FAM178B: variants seen among roughly 807,000 people sequenced by gnomAD.
The protein encoded by FAM178B is protein FAM178B.
FAM178B carries 82 observed loss-of-function variants against 91.7 expected under a neutral mutation model. The ratio of observed to expected loss-of-function variants is 0.89; its 90% CI spans 0.75 to 1.07. The LOEUF is 1.07. FAM178B is among the 50% of genes least tolerant of loss of function. The pLI, the probability that FAM178B is intolerant of heterozygous loss-of-function variation, is 0.00. For synonymous variants in FAM178B, 368 were observed against 359.4 expected (o/e 1.02, Z -0.27); for missense variants, 769 against 846.7 (o/e 0.91, Z 1.14).
chr2:96,977,384 CAA>C (rs754852439), intron 1 of FAM178B, among the ~76,000 whole-genome samples: 11 of 24,522 alleles, frequency 4.5e-4, no homozygotes, highest in Admixed American at 7.3e-4. Flanking sequence ...GACTCCGTCT[CAA>C]AAAAAAAAAA....
intron 14 of FAM178B, among the ~76,000 whole-genome samples, chr2:96,887,889 C>A (rs912500227): frequency 1.3e-5 from 2 of 152,208 alleles, no homozygotes; most frequent in African/African-American, 4.8e-5. Context: ...AGGGAGCAGG[C>A]CCGGGTGCTG....
At position 96,876,338 on chromosome 2, in the gene FAM178B, G is replaced by A. The variant is rs150741478; in HGVS notation, c.2008-30C>T. ...GGCGAGGAGAAAAGCAGGCTGTGAG[G>A]GCCTGGGCCCAGGTGCTGCCCACTG... On this transcript the variant is annotated intron_variant, in intron 16 of 16. Coordinates refer to ENST00000490605, the MANE Select transcript of FAM178B (RefSeq NM_001122646.3). The A allele has an allele frequency of 4.1e-3, 6,480 of 1,584,726 alleles. 30 individuals are homozygous for A. Among genetic ancestry groups the A allele is most frequent in the Non-Finnish European group, 4.2e-3 (4,943 of 1,166,934 alleles).
intron 12 of FAM178B, among the ~76,000 whole-genome samples, chr2:96,915,317 C>T (rs1410138593): frequency 1.3e-5 from 2 of 151,304 alleles, no homozygotes; most frequent in Non-Finnish European, 2.9e-5. Context: ...GGGGTTTCAC[C>T]ATGTTGGCCA....
chr2:96,894,302 C>CCA (rs1214177288), intron 13 of FAM178B, among the ~76,000 whole-genome samples: 5 of 150,614 alleles, frequency 3.3e-5, no homozygotes, highest in Non-Finnish European at 5.9e-5. Flanking sequence ...CACGCCCCAC[C>CCA]CACACACACA....
chr2:96,984,795 C>A (rs141525375), intron 1 of FAM178B, among the ~76,000 whole-genome samples: 279 of 152,304 alleles, frequency 1.8e-3, no homozygotes, highest in African/African-American at 6.0e-3. Flanking sequence ...TTGAAACAAG[C>A]ACTTTCAAAG....
At chr2:96,967,698 C>A in intron 4 of FAM178B, 71 bp from the exon 5 acceptor site, 2 of 1,069,644 alleles carry the variant, frequency 1.9e-6, no homozygotes, top group Non-Finnish European at 2.8e-6. Context: ...CACTGGGCTG[C>A]AGGTGTTGCC....
At chr2:96,913,602 G>T (rs1422565806) in intron 12 of FAM178B, among the ~76,000 whole-genome samples, 5 of 152,226 alleles carry the variant, frequency 3.3e-5, no homozygotes, top group African/African-American at 9.6e-5. Context: ...GACCTGACGA[G>T]CGTGAGGCTG....
chr2:96,935,927 C>T (rs1401756706), intron 8 of FAM178B, among the ~76,000 whole-genome samples: 2 of 151,976 alleles, frequency 1.3e-5, no homozygotes, highest in Non-Finnish European at 2.9e-5. Context: ...TGAGCCACCA[C>T]GCCTGGCCAT....
rs1307175662 is a variant in FAM178B, at chr2:96,921,670, A to G, written c.1288-16T>C. 6 of 1,550,244 alleles carry G rather than the reference A, an allele frequency of 3.9e-6. No homozygotes were observed. The highest frequency in any genetic ancestry group is 5.2e-6 in the Non-Finnish European group (6 of 1,146,664). ...GCGCCAGAAACTGGAGAGAGAAAAG[A>G]GGGCAGGGGTGGCCAGGGCATGGGG... On this transcript the variant is annotated splice_polypyrimidine_tract_variant and intron_variant, in intron 10 of 16. Coordinates refer to ENST00000490605, the MANE Select transcript of FAM178B (RefSeq NM_001122646.3).
intron 1 of FAM178B, among the ~76,000 whole-genome samples, chr2:96,978,614 A>G (rs2082321432): frequency 7.0e-6 from 1 of 143,092 alleles, no homozygotes; most frequent in Non-Finnish European, 1.5e-5. Flanking sequence ...TTGCTACAAG[A>G]GATATGATTT....
intron 12 of FAM178B, among the ~76,000 whole-genome samples, chr2:96,917,366 C>T (rs765261478): frequency 2.0e-5 from 3 of 152,280 alleles, no homozygotes; most frequent in Admixed American, 6.5e-5. Context: ...GAAAGGCAGG[C>T]GCAAGATGCT....
At chr2:96,963,658 G>C (rs2082110587) in intron 5 of FAM178B, among the ~76,000 whole-genome samples, 2 of 152,182 alleles carry the variant, frequency 1.3e-5, no homozygotes, top group Admixed American at 6.5e-5. Context: ...CTTCTAATTT[G>C]GGCCAGGCAA....
At chr2:96,952,627 G>A (rs2081946656) in intron 6 of FAM178B, among the ~76,000 whole-genome samples, 1 of 152,140 alleles carries the variant, frequency 6.6e-6, no homozygotes, top group Non-Finnish European at 1.5e-5. Flanking sequence ...CTGGTAGAAG[G>A]TGCTTCAGAA....
At chr2:96,983,359 C>G (rs1046473620) in intron 1 of FAM178B, among the ~76,000 whole-genome samples, 9 of 152,100 alleles carry the variant, frequency 5.9e-5, no homozygotes, top group African/African-American at 2.2e-4. Flanking sequence ...GTCAATAACC[C>G]CAAAGGTTAT....
chr2:96,934,937 G>A (rs1158527992), intron 8 of FAM178B, among the ~76,000 whole-genome samples: 1 of 152,158 alleles, frequency 6.6e-6, no homozygotes, highest in South Asian at 2.1e-4. Context: ...TAGGCCCCTG[G>A]CCTGCTTATT....
chr2:96,923,583 C>G lies in FAM178B; in HGVS notation c.1194G>C (p.Arg398Ser), dbSNP rs1228154455. 1 of 1,551,276 alleles carries G rather than the reference C, an allele frequency of 6.4e-7. No individual in the cohort carries two copies. The highest frequency in any genetic ancestry group is 1.4e-5 in the African/African-American group (1 of 73,036). ...TCAGGCCAGCCTCGCCTGGAAGCAC[C>G]CTGTGGTAAGACAACAACAGTGACG... is the stretch of plus-strand genomic sequence containing the variant. ...YPLGPFWHGG[R>S]VLPGEAGLNE... Residue 398 changes from arginine (R) to serine (S), a missense_variant and splice_region_variant, in exon 10 of 17, where the codon AGG (arginine) becomes AGC (serine). Coordinates refer to ENST00000490605, the MANE Select transcript of FAM178B (RefSeq NM_001122646.3).
chr2:96,902,721 G>A lies in FAM178B; in HGVS notation c.1563-14C>T, dbSNP rs367736924. On this transcript the variant is annotated splice_polypyrimidine_tract_variant and intron_variant, in intron 12 of 16. Coordinates refer to ENST00000490605, the MANE Select transcript of FAM178B (RefSeq NM_001122646.3). ...CTTCGAAGCCGCCTGGGGGAAAAGC[G>A]ACAGCCTGAGAGAGGGTGTGCTGGA... is the stretch of plus-strand genomic sequence containing the variant. 3.0e-5 allele frequency: 46 copies of A among 1,541,748 alleles called. 1 individual carries two copies. The South Asian group carries it at 3.2e-4, about 11-fold the overall frequency.
chr2:96,889,749 C>A (rs2080624360), intron 14 of FAM178B, among the ~76,000 whole-genome samples: 1 of 149,272 alleles, frequency 6.7e-6, no homozygotes, highest in African/African-American at 2.5e-5. Flanking sequence ...ATCAGTAGAG[C>A]AAAAAGAAAA....
chr2:96,918,634 T>C (rs1236675757), intron 12 of FAM178B, among the ~76,000 whole-genome samples: 2 of 151,564 alleles, frequency 1.3e-5, no homozygotes, highest in Non-Finnish European at 2.9e-5. Context: ...CATAGAAATA[T>C]CTGCACAGAC....
Sources: gnomAD v4.1 joint callset for allele counts (sites outside exome capture counted in the v4.1 genomes callset) on GRCh38, gnomAD v4.1.1 for gene constraint, MANE v1.5 for transcripts, NCBI Gene and HGNC (gene_info 2026-07-23, HGNC 2026-07-21) for gene names.